ANKRD29: variants seen among roughly 807,000 people sequenced by gnomAD.
ANKRD29 encodes the protein ankyrin repeat domain 29.
Under a neutral mutation model 38.0 loss-of-function variants are expected in ANKRD29, and 32 were observed. The observed-to-expected ratio is 0.84, with a 90% CI of 0.64 to 1.13. ANKRD29 has a LOEUF of 1.13. Ranked by LOEUF, ANKRD29 falls within the 50% of genes most tolerant of loss-of-function variation. The probability of loss-of-function intolerance (pLI) is 0.00; values close to 1 mark genes in which losing one functional copy is unlikely to be tolerated. For synonymous variants in ANKRD29, 135 were observed against 152.4 expected, an observed-to-expected ratio of 0.89 and a Z score of 0.84; for missense variants, 357 against 377.9, an observed-to-expected ratio of 0.94 and a Z score of 0.46.
At chr18:23,641,280 A>G (rs2060071944) in intron 3 of ANKRD29, among the ~76,000 whole-genome samples, 1 of 152,160 alleles carries the variant, frequency 6.6e-6, no homozygotes, top group Non-Finnish European at 1.5e-5. Flanking sequence ...AGCCATGCCC[A>G]GCTGCAGCTC....
intron 9 of ANKRD29, among the ~76,000 whole-genome samples, chr18:23,611,131 A>G (rs769352033): frequency 4.6e-5 from 7 of 152,246 alleles, no homozygotes; most frequent in Non-Finnish European, 8.8e-5. Context: ...AGTTTGGCCT[A>G]ATTGTAAATG....
At chr18:23,619,312 A>G in intron 7 of ANKRD29, 1 of 528,644 alleles carries the variant, frequency 1.9e-6, no homozygotes, top group Non-Finnish European at 3.3e-6. Context: ...CTCAGGCCTA[A>G]GGCTAAGATT....
intron 3 of ANKRD29, among the ~76,000 whole-genome samples, chr18:23,644,502 G>C (rs1015683235): frequency 6.6e-6 from 1 of 152,196 alleles, no homozygotes; most frequent in Non-Finnish European, 1.5e-5. Flanking sequence ...CTCAAACAAC[G>C]ATCTAGTGTT....
intron 6 of ANKRD29, among the ~76,000 whole-genome samples, chr18:23,624,021 T>G (rs763463245): frequency 6.6e-6 from 1 of 152,170 alleles, no homozygotes; most frequent in Non-Finnish European, 1.5e-5. Flanking sequence ...AGCTCCTTTT[T>G]GTAGAGTTTT....
At chr18:23,635,622 T>C (rs1375142395) in intron 4 of ANKRD29, among the ~76,000 whole-genome samples, 1 of 152,214 alleles carries the variant, frequency 6.6e-6, no homozygotes, top group Non-Finnish European at 1.5e-5. Context: ...AAATATAAGA[T>C]ACTGTAGTTT....
At chr18:23,646,440 C>T (rs1483930719) in intron 2 of ANKRD29, 153 bp from the exon 3 acceptor site, 4 of 557,638 alleles carry the variant, frequency 7.2e-6, no homozygotes, top group Non-Finnish European at 1.2e-5. Flanking sequence ...ATAATCTCAT[C>T]ATGCAGCCTA....
At chr18:23,650,525 A>G (rs576118205) in intron 1 of ANKRD29, among the ~76,000 whole-genome samples, 1 of 152,316 alleles carries the variant, frequency 6.6e-6, no homozygotes, top group African/African-American at 2.4e-5. Flanking sequence ...GGTCTTCTAA[A>G]TGGGTGGCAG....
chr18:23,645,627 C>A (rs1481318731), intron 3 of ANKRD29, among the ~76,000 whole-genome samples: 3 of 152,158 alleles, frequency 2.0e-5, no homozygotes, highest in African/African-American at 7.2e-5. Context: ...AAGAATGGAT[C>A]CTCAAGCAAG....
At chr18:23,615,971 ATACT>A (rs1599074747) in intron 8 of ANKRD29, among the ~76,000 whole-genome samples, 2 of 148,098 alleles carry the variant, frequency 1.4e-5, no homozygotes, top group African/African-American at 4.9e-5. Context: ...GTATGTATAT[ATACT>A]ATGTATGTAT....
chr18:23,624,560 T>C (rs2059839054), intron 6 of ANKRD29, among the ~76,000 whole-genome samples: 1 of 150,942 alleles, frequency 6.6e-6, no homozygotes, highest in Admixed American at 6.6e-5. Context: ...TAGCTGTCTT[T>C]TACTATGTGT....
intron 9 of ANKRD29, 135 bp downstream of exon 9, chr18:23,611,957 C>G: frequency 1.4e-6 from 1 of 711,052 alleles, no homozygotes; most frequent in South Asian, 2.0e-5. Flanking sequence ...TAATCACCTA[C>G]TAACAGCAAC....
At position 23,612,154 on chromosome 18, in the gene ANKRD29, C is replaced by T. The variant is rs778271128; in HGVS notation, c.760G>A (p.Gly254Arg). The change falls in exon 9 of 10, where the codon GGA (glycine) becomes AGA (arginine). Residue 254 changes from glycine to arginine, a missense_variant. Gly to Arg is a moderately radical substitution (Grantham distance 125, BLOSUM62 -2). Transcript: ENST00000592179. ...AGCAGCGCAACTGTTTTAATGTTTCCACTGAGCACTGCTGCATGGAGCGCT... is the reference window on the plus strand; with the variant it reads ...AGCAGCGCAACTGTTTTAATGTTTCTACTGAGCACTGCTGCATGGAGCGCT... ...TSALHAAVLS[G>R]NIKTVALLLE... The T allele has an allele frequency of 1.9e-5, 30 of 1,613,922 alleles. No homozygotes were observed. The African/African-American group carries it at 2.4e-4, about 13-fold the overall frequency.
chr18:23,601,169 T>C lies in ANKRD29; in HGVS notation c.*57A>G. ...ATTTCCAACACTGCTTGAAATGCAA[T>C]TTCTTTTTGGACAATGTGGTTAAGC... On this transcript the variant is annotated 3_prime_UTR_variant, in exon 10 of 10. Transcript: ENST00000592179. 1 of 1,496,250 alleles carries C rather than the reference T, an allele frequency of 6.7e-7. No individual in the cohort carries two copies. The highest frequency in any genetic ancestry group is 1.2e-5 in the South Asian group (1 of 85,428). 92.7% of individuals were successfully genotyped at this position (1,496,250 alleles called of 1,614,324 possible).
chr18:23,648,526 C>T (rs1047097015), intron 2 of ANKRD29: 3 of 179,564 alleles, frequency 1.7e-5, no homozygotes, highest in African/African-American at 2.3e-5. Flanking sequence ...GACAGAAAAA[C>T]GATTGCCTCT....
At chr18:23,640,881 A>G (rs570636688) in intron 3 of ANKRD29, among the ~76,000 whole-genome samples, 2 of 152,226 alleles carry the variant, frequency 1.3e-5, no homozygotes, top group African/African-American at 4.8e-5. Context: ...GGTCTCACTC[A>G]TGTGTGAAAA....
At chr18:23,630,992 G>GA (rs998702740) in intron 5 of ANKRD29, among the ~76,000 whole-genome samples, 11 of 145,748 alleles carry the variant, frequency 7.5e-5, no homozygotes, top group East Asian at 4.1e-4. Flanking sequence ...AGAAAAAAAA[G>GA]AAAAAAAAAT....
At chr18:23,619,289 C>T (rs111819956) in intron 7 of ANKRD29, 17,434 of 478,474 alleles carry the variant, frequency 0.036, 562 homozygotes, top group South Asian at 0.11. Flanking sequence ...CGGGAGGCCC[C>T]GTCTCTACCG....
At chr18:23,637,993 T>TC (rs2060023783) in intron 4 of ANKRD29, among the ~76,000 whole-genome samples, 2 of 113,342 alleles carry the variant, frequency 1.8e-5, no homozygotes, top group African/African-American at 6.4e-5. Context: ...ATCAATTACT[T>TC]CTTTTTTTTT....
intron 6 of ANKRD29, among the ~76,000 whole-genome samples, chr18:23,621,669 C>G (rs1448310170): frequency 2.6e-5 from 4 of 151,904 alleles, no homozygotes; most frequent in Non-Finnish European, 5.9e-5. Context: ...ATCAATAATT[C>G]AAGCAACCAA....
Sources: allele counts gnomAD v4.1 joint callset (sites outside exome capture counted in the v4.1 genomes callset), GRCh38; gene constraint gnomAD v4.1.1; transcripts MANE v1.5; gene names NCBI Gene and HGNC (gene_info 2026-07-23, HGNC 2026-07-21).